Variants in KLHDC10 observed in about 807,000 individuals in gnomAD.
KLHDC10 encodes the protein kelch domain-containing protein 10.
A neutral mutation model predicts 56.1 loss-of-function variants in KLHDC10; 24 were observed. The ratio of observed to expected loss-of-function variants is 0.43; its 90% confidence interval spans 0.31 to 0.60. KLHDC10 has a LOEUF of 0.60. Ranked by LOEUF, KLHDC10 falls within the 20% of genes least tolerant of loss-of-function variation. KLHDC10 has a pLI of 0.11. For missense variants in KLHDC10, 349 were observed against 567.0 expected (o/e 0.62, Z 3.91); for synonymous variants, 188 against 207.1 (o/e 0.91, Z 0.79).
intron 2 of KLHDC10, among the ~76,000 whole-genome samples, chr7:130,107,568 G>GT (rs1796026227): frequency 6.6e-6 from 1 of 152,106 alleles, no homozygotes; most frequent in Non-Finnish European, 1.5e-5. Flanking sequence ...GGGCGACCAG[G>GT]TGCCATGGTT....
chr7:130,114,934 T>C (rs1350289795), intron 2 of KLHDC10, among the ~76,000 whole-genome samples: 1 of 151,946 alleles, frequency 6.6e-6, no homozygotes, highest in Non-Finnish European at 1.5e-5. Context: ...AGCTCTAACA[T>C]GTTGGGCAGG....
In KLHDC10 at chr7:130,121,008, G is replaced by A; in HGVS notation, c.630+105G>A. The stretch of plus-strand genomic sequence containing the variant: ...TACCATTTTATTTTAATGGAGAAGA[G>A]TTCTTTGTGGTTAGTACTTGATTTT... On this transcript the variant is annotated intron_variant, in intron 4 of 9. Transcript: ENST00000335420. 6 of 1,119,326 alleles carry A rather than the reference G, an allele frequency of 5.4e-6. No homozygotes were observed. The East Asian group carries it at 1.6e-4, about 29-fold the overall frequency. 69.3% of individuals were successfully genotyped at this position (1,119,326 alleles called of 1,614,324 possible). A position where few individuals can be genotyped will look rare whatever the true frequency, so the allele number is the denominator to read the frequency against.
intron 1 of KLHDC10, among the ~76,000 whole-genome samples, chr7:130,082,271 C>T (rs1795619255): frequency 6.6e-6 from 1 of 152,152 alleles, no homozygotes. Context: ...CTGTAGTGAG[C>T]CGAGATCATG....
chr7:130,114,678 A>G lies in KLHDC10; in HGVS notation c.254-1767A>G, dbSNP rs144014312. 2.2e-3 allele frequency among the ~76,000 whole-genome samples: 335 copies of G among 152,264 alleles called. 2 individuals carry two copies. The highest frequency in any genetic ancestry group is 4.0e-3 in the Non-Finnish European group (270 of 68,026). ...ATTATAGTTTGCCTGATATTCATGT[A>G]TTTACATAGTTAAGGTGTGATCTTA... On this transcript the variant is annotated intron_variant, in intron 2 of 9. Coordinates refer to ENST00000335420, the MANE Select transcript of KLHDC10 (RefSeq NM_014997.4).
intron 1 of KLHDC10, among the ~76,000 whole-genome samples, chr7:130,078,892 C>G (rs943931469): frequency 6.6e-6 from 1 of 152,160 alleles, no homozygotes; most frequent in South Asian, 2.1e-4. Flanking sequence ...AAATACTAAA[C>G]AATAAGATAG....
intron 1 of KLHDC10, among the ~76,000 whole-genome samples, chr7:130,076,748 A>G (rs1397162723): frequency 6.6e-6 from 1 of 152,082 alleles, no homozygotes; most frequent in African/African-American, 2.4e-5. Context: ...TGTTGTCTAT[A>G]GGTGTACTTA....
Position 130,132,066 on chromosome 7 carries a change from T to G in KLHDC10, c.*1320T>G, listed in dbSNP as rs796750415. On this transcript the variant is annotated 3_prime_UTR_variant, in exon 10 of 10. Transcript: ENST00000335420. ...TTTAGTTCTGGTTTGTTTGATTTGT[T>G]TTTTTTTTAATTCTAAAAAGAATGA... The G allele has an allele frequency of 3.5e-5, 5 of 141,044 alleles. No homozygotes were observed. Among genetic ancestry groups the G allele is most frequent in the African/African-American group, 1.6e-4 (5 of 31,402 alleles). 8.7% of individuals were successfully genotyped at this position (141,044 alleles called of 1,614,324 possible).
At chr7:130,114,241 A>G (rs1015898126) in intron 2 of KLHDC10, among the ~76,000 whole-genome samples, 2 of 152,226 alleles carry the variant, frequency 1.3e-5, no homozygotes, top group Non-Finnish European at 1.5e-5. Context: ...AAACAAACTG[A>G]CAAAATGCAT....
At position 130,129,513 on chromosome 7, in the gene KLHDC10, A is replaced by G. The variant is rs1563107889; in HGVS notation, c.1056A>G (p.Gln352=). The change falls in exon 9 of 10, where the codon CAA becomes CAG. Residue 352 remains glutamine (Q), a synonymous_variant. Coordinates refer to ENST00000335420, the MANE Select transcript of KLHDC10 (RefSeq NM_014997.4). ...DIWKLNLQTF[Q]WVKLPATMPE... ...GGAAGTTGAATCTGCAGACTTTCCAATGGGTGAAGCTCCCAGCTACCATGC... is the reference window on the plus strand; with the variant it reads ...GGAAGTTGAATCTGCAGACTTTCCAGTGGGTGAAGCTCCCAGCTACCATGC... 3 of 1,614,060 alleles carry G rather than the reference A, an allele frequency of 1.9e-6. No individual in the cohort carries two copies. The highest frequency in any genetic ancestry group is 2.7e-5 in the African/African-American group (2 of 74,924).
chr7:130,105,751 C>T (rs1479565317), intron 2 of KLHDC10, among the ~76,000 whole-genome samples: 1 of 152,110 alleles, frequency 6.6e-6, no homozygotes, highest in Non-Finnish European at 1.5e-5. Flanking sequence ...TGTTTCTTGA[C>T]CTGGGTGATG....
intron 2 of KLHDC10, among the ~76,000 whole-genome samples, chr7:130,102,685 G>A (rs902569176): frequency 6.6e-6 from 1 of 152,100 alleles, no homozygotes; most frequent in Non-Finnish European, 1.5e-5. Context: ...AGTTAGCTGG[G>A]TATGGTGGCA....
intron 8 of KLHDC10, among the ~76,000 whole-genome samples, chr7:130,128,958 T>C (rs1418157419): frequency 1.4e-5 from 2 of 145,072 alleles, no homozygotes; most frequent in African/African-American, 5.2e-5. Flanking sequence ...ATGTTTCATT[T>C]TTAAAAACAT....
At chr7:130,109,657 G>C (rs1287279778) in intron 2 of KLHDC10, among the ~76,000 whole-genome samples, 1 of 151,848 alleles carries the variant, frequency 6.6e-6, no homozygotes, top group Non-Finnish European at 1.5e-5. Context: ...TGTTTGTTTT[G>C]AGACGGAGTC....
chr7:130,118,468 C>G (rs758499623), intron 3 of KLHDC10, among the ~76,000 whole-genome samples: 74 of 152,204 alleles, frequency 4.9e-4, no homozygotes, highest in Non-Finnish European at 1.0e-3. Flanking sequence ...ATCTTCTGTC[C>G]AGACCACTTA....
chr7:130,126,213 G>A (rs1185078517), intron 7 of KLHDC10, among the ~76,000 whole-genome samples: 1 of 152,132 alleles, frequency 6.6e-6, no homozygotes, highest in African/African-American at 2.4e-5. Flanking sequence ...AGCTACTCCG[G>A]AGGCTGAGGT....
chr7:130,119,537 T>TTAA (rs769118586), intron 3 of KLHDC10, among the ~76,000 whole-genome samples: 45 of 100,384 alleles, frequency 4.5e-4, no homozygotes, highest in African/African-American at 1.8e-3. Flanking sequence ...AAAAAAGAGT[T>TTAA]AAAAAAAAAA....
At chr7:130,077,353 CAAAAAAAAAAAAAAAAA>C (rs35132418) in intron 1 of KLHDC10, among the ~76,000 whole-genome samples, 1 of 17,900 alleles carries the variant, frequency 5.6e-5, no homozygotes, top group East Asian at 2.4e-3. Context: ...GACTCTGTCT[CAAAAAAAAAAAAAAAAA>C]AAAAAAAAAA....
At chr7:130,128,340 C>A (rs544089041) in intron 8 of KLHDC10, among the ~76,000 whole-genome samples, 17 of 152,290 alleles carry the variant, frequency 1.1e-4, no homozygotes, top group African/African-American at 3.6e-4. Flanking sequence ...TCATTTAATT[C>A]TTTGAGGCCA....
chr7:130,118,016 A>AC (rs2116904778), intron 3 of KLHDC10, among the ~76,000 whole-genome samples: 1 of 151,458 alleles, frequency 6.6e-6, no homozygotes, highest in South Asian at 2.1e-4. Flanking sequence ...ACACACACAC[A>AC]AAAAAAATTA....
Sources: gnomAD v4.1 joint callset for allele counts (sites outside exome capture counted in the v4.1 genomes callset) on GRCh38, gnomAD v4.1.1 for gene constraint, MANE v1.5 for transcripts, NCBI Gene and HGNC (gene_info 2026-07-23, HGNC 2026-07-21) for gene names.